Variants in CD200 observed in about 807,000 individuals in gnomAD.
CD200 encodes CD200 molecule, also known as OX-2 membrane glycoprotein.
In CD200, 15 loss-of-function variants were observed where a neutral mutation model predicts 30.9. That is an observed-to-expected ratio of 0.49 (90% confidence interval 0.32 to 0.75). The LOEUF is 0.75. Among genes scored for constraint, CD200 ranks in the 30% least tolerant of loss-of-function variants. The pLI is 0.03. For missense variants in CD200, 262 were observed against 324.2 expected, an observed-to-expected ratio of 0.81 and a Z score of 1.47; for synonymous variants, 134 against 126.2, an observed-to-expected ratio of 1.06 and a Z score of -0.41.
intron 2 of CD200, among the ~76,000 whole-genome samples, chr3:112,343,175 A>G (rs1450026587): frequency 1.3e-5 from 2 of 151,974 alleles, no homozygotes; most frequent in Non-Finnish European, 2.9e-5. Context: ...AAGGGAAGAA[A>G]TTTATATTTA....
intron 5 of CD200, among the ~76,000 whole-genome samples, chr3:112,359,824 A>G (rs2081702447): frequency 6.6e-6 from 1 of 152,212 alleles, no homozygotes. Flanking sequence ...CAAGGAAATA[A>G]TATAGAATAA....
At chr3:112,334,095 T>G (rs973678971) in intron 1 of CD200, 1 of 985,378 alleles carries the variant, frequency 1.0e-6, no homozygotes, top group South Asian at 4.7e-5. Context: ...TGAGCTACGG[T>G]CTACTGCAAG....
intron 1 of CD200, chr3:112,335,898 A>G: frequency 7.3e-7 from 1 of 1,376,700 alleles, no homozygotes; most frequent in Admixed American, 1.7e-5. Flanking sequence ...GAGCTGAGAC[A>G]ATATTGGCTC....
At chr3:112,334,867 A>G (rs1191922232) in intron 1 of CD200, among the ~76,000 whole-genome samples, 1 of 152,172 alleles carries the variant, frequency 6.6e-6, no homozygotes, top group African/African-American at 2.4e-5. Flanking sequence ...CCAGTCCACA[A>G]TATATGGTTT....
At chr3:112,339,738 A>G (rs1257921183) in intron 1 of CD200, among the ~76,000 whole-genome samples, 2 of 152,370 alleles carry the variant, frequency 1.3e-5, no homozygotes, top group Middle Eastern at 6.8e-3. Context: ...TTCATCCAGC[A>G]CAAGGGGAAC....
rs1156917478 is a variant in CD200 at position 112,335,916 on chromosome 3, T to G, written c.12+2692T>G. On this transcript the variant is annotated intron_variant, in intron 1 of 5. Transcript: ENST00000315711. ...CTGAGACAATATTGGCTCTAATTTTTATCATCTCATTGATCTCAAACCACA... is the reference window on the plus strand; with the variant it reads ...CTGAGACAATATTGGCTCTAATTTTGATCATCTCATTGATCTCAAACCACA... 2.6e-6 allele frequency: 4 copies of G among 1,540,418 alleles called. No homozygotes were observed. In the African/African-American group the frequency reaches 5.5e-5, roughly 21 times the overall value.
intron 5 of CD200, among the ~76,000 whole-genome samples, chr3:112,354,283 C>T (rs567412202): frequency 6.6e-6 from 1 of 152,328 alleles, no homozygotes; most frequent in African/African-American, 2.4e-5. Context: ...ATTCCCTTGG[C>T]TTTTTGGCCA....
upstream of CD200, chr3:112,333,124 G>T: frequency 6.5e-7 from 1 of 1,531,766 alleles, no homozygotes. Flanking sequence ...GTGCGGCAGG[G>T]GCACAGGTGA....
In CD200 at chr3:112,342,271, G is replaced by GTCCTTCCTTCCTTCCTTCCT. The variant is rs745418625; in HGVS notation, c.94+1306_94+1325dup. On this transcript the variant is annotated intron_variant, in intron 2 of 5. Transcript: ENST00000315711. Reference sequence around the variant, plus strand: ...AGAATTAAATGTTTCTCTGAGAACTGTCCTTCCTTCCTTCCTTCCTTCCTT... The same window carrying GTCCTTCCTTCCTTCCTTCCT: ...AGAATTAAATGTTTCTCTGAGAACTGTCCTTCCTTCCTTCCTTCCTTCCTTCCTTCCTTCCTTCCTTCCTT... Among the ~76,000 whole-genome samples the GTCCTTCCTTCCTTCCTTCCT allele has an allele frequency of 5.7e-4, 43 of 75,670 alleles. 9 individuals carry two copies. Among genetic ancestry groups the GTCCTTCCTTCCTTCCTTCCT allele is most frequent in the Non-Finnish European group, 8.6e-4 (33 of 38,312 alleles). The allele number at this position is 75,670 out of a possible 152,430, so 49.6% of individuals were successfully genotyped here. A position where few individuals can be genotyped will look rare whatever the true frequency, so the allele number is the denominator to read the frequency against.
rs1380686839 is a variant in CD200 at position 112,333,822 on chromosome 3, C to T, written c.12+598C>T. ...CTACACTTGAGAGAGCTGAAATGCT[C>T]TGTGATCATAATGCTTTGAAGGGTT... On this transcript the variant is annotated intron_variant, in intron 1 of 5. Coordinates refer to ENST00000315711, the MANE Select transcript of CD200 (RefSeq NM_005944.7). 6.1e-6 allele frequency: 6 copies of T among 985,212 alleles called. No individual in the cohort carries two copies. The African/African-American group carries it at 1.0e-4, about 17-fold the overall frequency. 61.0% of individuals were successfully genotyped at this position (985,212 alleles called of 1,614,324 possible).
At chr3:112,357,939 T>G (rs1296220187) in intron 5 of CD200, among the ~76,000 whole-genome samples, 1 of 152,212 alleles carries the variant, frequency 6.6e-6, no homozygotes, top group African/African-American at 2.4e-5. Context: ...TAAGAAACAG[T>G]AACAAAAACA....
At chr3:112,338,204 G>A (rs997865392) in intron 1 of CD200, among the ~76,000 whole-genome samples, 1 of 152,048 alleles carries the variant, frequency 6.6e-6, no homozygotes, top group Non-Finnish European at 1.5e-5. Context: ...TGGGTACCAA[G>A]GAACAGACAC....
chr3:112,360,632 T>A (rs2081722477), intron 5 of CD200, among the ~76,000 whole-genome samples: 1 of 152,232 alleles, frequency 6.6e-6, no homozygotes, highest in Non-Finnish European at 1.5e-5. Context: ...CATTGATATC[T>A]GATGTTAGAA....
At chr3:112,336,837 A>G (rs1374043375) in intron 1 of CD200, among the ~76,000 whole-genome samples, 1 of 152,172 alleles carries the variant, frequency 6.6e-6, no homozygotes, top group Non-Finnish European at 1.5e-5. Context: ...ATGGAAGACT[A>G]TGATCATACT....
rs186461533 is a variant in CD200, at chr3:112,333,961, G to A, written c.12+737G>A. 7.1e-6 allele frequency: 7 copies of A among 984,750 alleles called. No individual in the cohort carries two copies. The African/African-American group carries it at 1.0e-4, about 15-fold the overall frequency. The allele number at this position is 984,750 out of a possible 1,614,324, so 61.0% of individuals were successfully genotyped here. ...TGGTATATGAAATCCAAATACAATG[G>A]TATTGGTATAAGAATCCAAATACAG... is the stretch of plus-strand genomic sequence containing the variant. On this transcript the variant is annotated intron_variant, in intron 1 of 5. Transcript: ENST00000315711.
intron 3 of CD200, among the ~76,000 whole-genome samples, chr3:112,345,984 G>A (rs1005456862): frequency 2.0e-5 from 3 of 152,170 alleles, no homozygotes; most frequent in Non-Finnish European, 2.9e-5. Flanking sequence ...TGGCACACAC[G>A]GCAGTAGTTT....
At chr3:112,339,298 T>C (rs533779201) in intron 1 of CD200, among the ~76,000 whole-genome samples, 1 of 152,284 alleles carries the variant, frequency 6.6e-6, no homozygotes, top group East Asian at 1.9e-4. Context: ...AATTTTGCAA[T>C]ACCAAGAGCC....
chr3:112,347,874 A>G (rs2081437147), intron 4 of CD200, 44 bp downstream of exon 4: 1 of 1,569,710 alleles, frequency 6.4e-7, no homozygotes, highest in Non-Finnish European at 8.7e-7. Context: ...GTCTGTGTGC[A>G]TGGACCTGGA....
chr3:112,349,698 T>C lies in CD200; in HGVS notation c.695-14T>C. On this transcript the variant is annotated splice_polypyrimidine_tract_variant and intron_variant, in intron 4 of 5. Transcript: ENST00000315711. ...GTGATGTCATTTTCCTTTTTCTTTC[T>C]TCAATATCTATAGGCTATTGGTTTT... 4 of 1,594,724 alleles carry C rather than the reference T, an allele frequency of 2.5e-6. No individual in the cohort carries two copies. The highest frequency in any genetic ancestry group is 3.4e-6 in the Non-Finnish European group (4 of 1,173,300).
Sources: gnomAD v4.1 joint callset for allele counts (sites outside exome capture counted in the v4.1 genomes callset) on GRCh38, gnomAD v4.1.1 for gene constraint, MANE v1.5 for transcripts, NCBI Gene and HGNC (gene_info 2026-07-23, HGNC 2026-07-21) for gene names.